The following RING1 variants were observed in gnomAD, a reference collection of about 807,000 sequenced individuals.
The protein encoded by RING1 is ring finger protein 1, also known as E3 ubiquitin-protein ligase RING1.
In RING1, 8 loss-of-function variants were observed where a neutral mutation model predicts 35.0. That is an observed-to-expected ratio of 0.23 (90% CI 0.13 to 0.41). The LOEUF (loss-of-function observed/expected upper bound fraction) is 0.41, where lower values mean the gene tolerates loss of function less well. Among genes scored for constraint, RING1 ranks in the 10% least tolerant of loss-of-function variants. The probability of loss-of-function intolerance (pLI) is 1.00; values close to 1 mark genes in which losing one functional copy is unlikely to be tolerated. For synonymous variants in RING1, 214 were observed against 224.3 expected (o/e 0.95, Z 0.41); for missense variants, 343 against 546.8 (o/e 0.63, Z 3.72).
In RING1 at chr6:33,208,752, C is replaced by T. The variant is rs868167186; in HGVS notation, c.-58-13C>T. The T allele has an allele frequency of 1.1e-4, 147 of 1,306,506 alleles. 1 individual carries two copies. The African/African-American group carries it at 1.9e-3, about 17-fold the overall frequency. The allele number at this position is 1,306,506 out of a possible 1,614,324, so 80.9% of individuals were successfully genotyped here. A position where few individuals can be genotyped will look rare whatever the true frequency, so the allele number is the denominator to read the frequency against. ...CCCCCCTGACGCCCTCCTCCCCTTC[C>T]CCCCACCCCCAGCCTTCTTCGCCTT... On this transcript the variant is annotated splice_polypyrimidine_tract_variant and intron_variant, in intron 1 of 6. Coordinates refer to ENST00000374656, the MANE Select transcript of RING1 (RefSeq NM_002931.4). This position sits in a 1 kb window ranked among gnomAD's most constrained non-coding sequence, Gnocchi z 6.2.
At chr6:33,212,209 G>A in intron 6 of RING1, 89 bp from the exon 7 acceptor site, 1 of 1,002,650 alleles carries the variant, frequency 1.0e-6, no homozygotes, top group South Asian at 1.5e-5. Flanking sequence ...TCCTCCCTTG[G>A]TCACCTTTTG....
At position 33,212,563 on chromosome 6, in the gene RING1, C is replaced by G; in HGVS notation, c.*164C>G. On this transcript the variant is annotated 3_prime_UTR_variant, in exon 7 of 7. Coordinates refer to ENST00000374656, the MANE Select transcript of RING1 (RefSeq NM_002931.4). ...TACAAAGTATCTATATGAGATTCTT[C>G]TATATTGTACAGAGTGGGGCAAAAC... is the stretch of plus-strand genomic sequence containing the variant. 1 of 583,504 alleles carries G rather than the reference C, an allele frequency of 1.7e-6. No homozygotes were observed. The highest frequency in any genetic ancestry group is 2.2e-5 in the South Asian group (1 of 45,260). The allele number at this position is 583,504 out of a possible 1,614,324, so 36.1% of individuals were successfully genotyped here. A position where few individuals can be genotyped will look rare whatever the true frequency, so the allele number is the denominator to read the frequency against.
At position 33,209,794 on chromosome 6, in the gene RING1, G is replaced by A; in HGVS notation, c.239+8G>A. On this transcript the variant is annotated splice_region_variant and intron_variant, in intron 3 of 6. Coordinates refer to ENST00000374656, the MANE Select transcript of RING1 (RefSeq NM_002931.4). This position sits in a 1 kb window ranked among gnomAD's most constrained non-coding sequence, Gnocchi z 5.1. ...CACAGCCCTACGGAGCGGGTAATAGGAGAGACATGTTTGAGATGAGATGAA... is the reference window on the plus strand; with the variant it reads ...CACAGCCCTACGGAGCGGGTAATAGAAGAGACATGTTTGAGATGAGATGAA... 6.2e-7 allele frequency: 1 copy of A among 1,613,608 alleles called. No homozygotes were observed.
At position 33,208,845 on chromosome 6, in the gene RING1, A is replaced by G. The variant is rs1306895821; in HGVS notation, c.23A>G (p.Gln8Arg). The G allele has an allele frequency of 6.2e-7, 1 of 1,608,122 alleles. No homozygotes were observed. The highest frequency in any genetic ancestry group is 8.5e-7 in the Non-Finnish European group (1 of 1,176,692). MTTPANA[Q>R]NASKTWELSL... is the part of the protein sequence containing the mutation. The stretch of plus-strand genomic sequence containing the variant: ...ACCATGACGACGCCGGCGAATGCCC[A>G]GAATGCCAGCAAAACGTGGGAACTG... Residue 8 changes from glutamine to arginine, a missense_variant, in exon 2 of 7, where the codon CAG becomes CGG. Gln to Arg is a conservative substitution (Grantham distance 43). Around this residue, in one of 2 missense-constraint regions of RING1, gnomAD observed 65 missense variants for 163.3 expected, o/e 0.40. Coordinates refer to ENST00000374656, the MANE Select transcript of RING1 (RefSeq NM_002931.4). This position sits in a 1 kb window ranked among gnomAD's most constrained non-coding sequence, Gnocchi z 6.2.
In RING1 at chr6:33,212,634, T is replaced by C. The variant is rs1775630385; in HGVS notation, c.*235T>C. The C allele has an allele frequency of 2.3e-6, 1 of 435,378 alleles. No individual in the cohort carries two copies. The highest frequency in any genetic ancestry group is 6.2e-5 in the South Asian group (1 of 16,230). 27.0% of individuals were successfully genotyped at this position (435,378 alleles called of 1,614,324 possible). A position where few individuals can be genotyped will look rare whatever the true frequency, so the allele number is the denominator to read the frequency against. ...TTCTATTGCCCTGCAACGTCCCATC[T>C]ATACGAGGTGTTGGAGAAGGTGAAG... On this transcript the variant is annotated 3_prime_UTR_variant, in exon 7 of 7. Coordinates refer to ENST00000374656, the MANE Select transcript of RING1 (RefSeq NM_002931.4).
Position 33,212,313 on chromosome 6 carries a change from C to G in RING1, c.1135C>G (p.Leu379Val). The change falls in exon 7 of 7, where the codon CTG becomes GTG. Residue 379 changes from leucine (L) to valine (V), a missense_variant. Around this residue, in one of 2 missense-constraint regions of RING1, gnomAD observed 278 missense variants for 383.5 expected, o/e 0.72. Transcript: ENST00000374656. ...GGAFTTLNGSLTLELVNEKFW... is the reference protein window; with the variant it reads ...GGAFTTLNGSVTLELVNEKFW... ...CCCTCCTCAGACGTTGAATGGCTCG[C>G]TGACCCTGGAGCTGGTGAATGAGAA... The G allele has an allele frequency of 1.3e-6, 2 of 1,587,426 alleles. No individual in the cohort carries two copies. The highest frequency in any genetic ancestry group is 1.7e-6 in the Non-Finnish European group (2 of 1,166,696).
rs1775617860 is a variant in RING1 at position 33,212,460 on chromosome 6, AC to A, written c.*65del. On this transcript the variant is annotated 3_prime_UTR_variant, in exon 7 of 7. Transcript: ENST00000374656. ...GGGTATCCCTGTGTCCTGGTCTATC[AC>A]CCCAGCTTCTTTGTCCCCCAGTACC... 1 of 1,137,342 alleles carries A rather than the reference AC, an allele frequency of 8.8e-7. No homozygotes were observed. The highest frequency in any genetic ancestry group is 2.6e-5 in the East Asian group (1 of 38,762). 70.5% of individuals were successfully genotyped at this position (1,137,342 alleles called of 1,614,324 possible).
rs1775380842 is a variant in RING1 at position 33,209,432 on chromosome 6, T to C, written c.79-194T>C. 1.5e-5 allele frequency: 9 copies of C among 614,392 alleles called. 1 individual carries two copies. The Middle Eastern group carries it at 1.3e-3, about 89-fold the overall frequency. 38.1% of individuals were successfully genotyped at this position (614,392 alleles called of 1,614,324 possible). A position where few individuals can be genotyped will look rare whatever the true frequency, so the allele number is the denominator to read the frequency against. On this transcript the variant is annotated intron_variant, in intron 2 of 6. Transcript: ENST00000374656. This position sits in a 1 kb window ranked among gnomAD's most constrained non-coding sequence, Gnocchi z 5.1. ...TTCCAAAGCTCCTACTCTTAGTTAA[T>C]GGACACTAAAGTCTGTCTTTTCTCC...
intron 6 of RING1, 80 bp downstream of exon 6, chr6:33,212,082 C>G (rs2150708620): frequency 8.6e-7 from 1 of 1,158,850 alleles, no homozygotes; most frequent in African/African-American, 1.5e-5. Flanking sequence ...TGAGCCTGGT[C>G]TAACTCATCA....
rs1172804253 is a variant in RING1 at position 33,211,455 on chromosome 6, G to A, written c.753G>A (p.Gly251=). The change falls in exon 5 of 7, where the codon GGG becomes GGA. Residue 251 remains glycine (G), a synonymous_variant. Transcript: ENST00000374656. The surrounding 1 kb of genome is among the most constrained non-coding windows in gnomAD (Gnocchi z 6.3). ...CGCTGGGCCCCCCAAGCCCTCCTGGGGCCCCCAGCCCCCCAGAGCCAGGTG... is the reference window on the plus strand; with the variant it reads ...CGCTGGGCCCCCCAAGCCCTCCTGGAGCCCCCAGCCCCCCAGAGCCAGGTG... ...GGTLGPPSPP[G]APSPPEPGGE... 6.3e-7 allele frequency: 1 copy of A among 1,598,092 alleles called. No homozygotes were observed. Among genetic ancestry groups the A allele is most frequent in the African/African-American group, 1.3e-5 (1 of 74,526 alleles).
chr6:33,211,562 C>G lies in RING1; in HGVS notation c.845+15C>G. On this transcript the variant is annotated intron_variant, in intron 5 of 6. Coordinates refer to ENST00000374656, the MANE Select transcript of RING1 (RefSeq NM_002931.4). This position sits in a 1 kb window ranked among gnomAD's most constrained non-coding sequence, Gnocchi z 6.3. ...TGCCAGACGAGGTGAGGAGCCCTGT[C>G]TTTCCCCAGCCACTGAGAAACCAAA... is the stretch of plus-strand genomic sequence containing the variant. 6.2e-7 allele frequency: 1 copy of G among 1,605,244 alleles called. No homozygotes were observed. Among genetic ancestry groups the G allele is most frequent in the Non-Finnish European group, 8.5e-7 (1 of 1,178,396 alleles).
In RING1 at chr6:33,211,718, T is replaced by A. The variant is rs373580122; in HGVS notation, c.846-11T>A. ...GCTCTGGCTCTAAGCCTGTCCTCCC[T>A]CCCATTCCAGGTATGTGAAGACAAC... On this transcript the variant is annotated splice_polypyrimidine_tract_variant and intron_variant, in intron 5 of 6. Transcript: ENST00000374656. This position sits in a 1 kb window ranked among gnomAD's most constrained non-coding sequence, Gnocchi z 6.3. 1.3e-6 allele frequency: 2 copies of A among 1,536,710 alleles called. No individual in the cohort carries two copies. Among genetic ancestry groups the A allele is most frequent in the African/African-American group, 2.8e-5 (2 of 72,516 alleles).
In RING1 at chr6:33,212,407, AG is replaced by A. The variant is rs749024397; in HGVS notation, c.*12del. On this transcript the variant is annotated 3_prime_UTR_variant, in exon 7 of 7. Coordinates refer to ENST00000374656, the MANE Select transcript of RING1 (RefSeq NM_002931.4). ...ACCAAGGATCCAAAGTGACCCCACC[AG>A]GGGACAGCCAGAGGAAGGGGACCAT... is the stretch of plus-strand genomic sequence containing the variant. 37 of 1,563,700 alleles carry A rather than the reference AG, an allele frequency of 2.4e-5. No individual in the cohort carries two copies. Among genetic ancestry groups the A allele is most frequent in the Non-Finnish European group, 3.0e-5 (34 of 1,149,138 alleles).
At position 33,209,819 on chromosome 6, in the gene RING1, AG is replaced by A; in HGVS notation, c.239+37del. ...GAGAGACATGTTTGAGATGAGATGA[AG>A]GGGTACAAAGTTAGGGCCCTCTCAC... On this transcript the variant is annotated intron_variant, in intron 3 of 6. Coordinates refer to ENST00000374656, the MANE Select transcript of RING1 (RefSeq NM_002931.4). This position sits in a 1 kb window ranked among gnomAD's most constrained non-coding sequence, Gnocchi z 5.1. The A allele has an allele frequency of 6.2e-7, 1 of 1,612,746 alleles. No individual in the cohort carries two copies.
rs373037542 is a variant in RING1 at position 33,210,173 on chromosome 6, G to A, written c.455+43G>A. 108 of 1,571,622 alleles carry A rather than the reference G, an allele frequency of 6.9e-5. 1 individual carries two copies. Among genetic ancestry groups the A allele is most frequent in the Middle Eastern group, 5.0e-4 (3 of 5,986 alleles). ...GAAGCAGAACTGATGGGATGGGTCCGTGGGTCAGTCCTTGTTGCCTGCTAG... is the reference window on the plus strand; with the variant it reads ...GAAGCAGAACTGATGGGATGGGTCCATGGGTCAGTCCTTGTTGCCTGCTAG... On this transcript the variant is annotated intron_variant, in intron 4 of 6. Coordinates refer to ENST00000374656, the MANE Select transcript of RING1 (RefSeq NM_002931.4).
chr6:33,209,031 A>C lies in RING1; in HGVS notation c.78+131A>C. 2.5e-6 allele frequency: 2 copies of C among 791,502 alleles called. No individual in the cohort carries two copies. The highest frequency in any genetic ancestry group is 4.4e-6 in the Non-Finnish European group (2 of 455,090). The allele number at this position is 791,502 out of a possible 1,614,324, so 49.0% of individuals were successfully genotyped here. A position where few individuals can be genotyped will look rare whatever the true frequency, so the allele number is the denominator to read the frequency against. Reference sequence around the variant, plus strand: ...CTGGCCCTACCTTTGAATCACCTTAATCTTTCCAAAGCACTTTCGCATTTA... The same window carrying C: ...CTGGCCCTACCTTTGAATCACCTTACTCTTTCCAAAGCACTTTCGCATTTA... On this transcript the variant is annotated intron_variant, in intron 2 of 6. Coordinates refer to ENST00000374656, the MANE Select transcript of RING1 (RefSeq NM_002931.4). The surrounding 1 kb of genome is among the most constrained non-coding windows in gnomAD (Gnocchi z 5.1).
Position 33,208,748 on chromosome 6 carries a change from C to T in RING1, c.-58-17C>T. On this transcript the variant is annotated splice_polypyrimidine_tract_variant and intron_variant, in intron 1 of 6. Transcript: ENST00000374656. The surrounding 1 kb of genome is among the most constrained non-coding windows in gnomAD (Gnocchi z 6.2). ...GCGGCCCCCCTGACGCCCTCCTCCC[C>T]TTCCCCCCACCCCCAGCCTTCTTCG... The T allele has an allele frequency of 1.6e-6, 2 of 1,280,710 alleles. No individual in the cohort carries two copies. Among genetic ancestry groups the T allele is most frequent in the Admixed American group, 2.8e-5 (1 of 35,346 alleles). 79.3% of individuals were successfully genotyped at this position (1,280,710 alleles called of 1,614,324 possible).
rs1775388855 is a variant in RING1, at chr6:33,209,561, G to T, written c.79-65G>T. The T allele has an allele frequency of 2.7e-6, 4 of 1,496,206 alleles. No individual in the cohort carries two copies. The highest frequency in any genetic ancestry group is 2.7e-6 in the Non-Finnish European group (3 of 1,092,414). 92.7% of individuals were successfully genotyped at this position (1,496,206 alleles called of 1,614,324 possible). A position where few individuals can be genotyped will look rare whatever the true frequency, so the allele number is the denominator to read the frequency against. Reference sequence around the variant, plus strand: ...ATTTCTCAAAATTCTTATTTTATGGGCTGCTGTTTCTAAAACCCCTTTCCC... The same window carrying T: ...ATTTCTCAAAATTCTTATTTTATGGTCTGCTGTTTCTAAAACCCCTTTCCC... On this transcript the variant is annotated intron_variant, in intron 2 of 6. Coordinates refer to ENST00000374656, the MANE Select transcript of RING1 (RefSeq NM_002931.4). This position sits in a 1 kb window ranked among gnomAD's most constrained non-coding sequence, Gnocchi z 5.1.
rs768044350 is a variant in RING1 at position 33,212,428 on chromosome 6, G to GA, written c.*30dup. On this transcript the variant is annotated 3_prime_UTR_variant, in exon 7 of 7. Transcript: ENST00000374656. ...CACCAGGGGACAGCCAGAGGAAGGGGACCATGGGGTATCCCTGTGTCCTGG... is the reference window on the plus strand; with the variant it reads ...CACCAGGGGACAGCCAGAGGAAGGGGAACCATGGGGTATCCCTGTGTCCTGG... 1.1e-4 allele frequency: 158 copies of GA among 1,430,842 alleles called. No homozygotes were observed. In the African/African-American group the frequency reaches 2.0e-3, roughly 18 times the overall value. The allele number at this position is 1,430,842 out of a possible 1,614,324, so 88.6% of individuals were successfully genotyped here.
Sources: gnomAD v4.1 joint callset for allele counts on GRCh38, gnomAD v4.1.1 for gene constraint, gnomAD v4.1.1 regional missense constraint, Gnocchi (gnomAD v3.1) non-coding constraint, MANE v1.5 for transcripts, NCBI Gene and HGNC (gene_info 2026-07-23, HGNC 2026-07-21) for gene names.